The following ROBO2 variants were observed in gnomAD, a reference collection of about 807,000 sequenced individuals.
ROBO2 encodes the protein roundabout homolog 2.
In ROBO2, 53 loss-of-function variants were observed where a neutral mutation model predicts 160.8. The ratio of observed to expected loss-of-function variants is 0.33; its 90% CI spans 0.26 to 0.41. The LOEUF is 0.41. Ranked by LOEUF, ROBO2 falls within the 10% of genes least tolerant of loss-of-function variation. The pLI is 1.00. For missense variants in ROBO2, 1,577 were observed against 1,722.4 expected (o/e 0.92, Z 1.49); for synonymous variants, 664 against 611.7 (o/e 1.09, Z -1.26).
At chr3:77,164,139 G>A (rs74353241) in intron 2 of ROBO2, among the ~76,000 whole-genome samples, 5,725 of 152,264 alleles carry the variant, frequency 0.038, 158 homozygotes, top group East Asian at 0.087. Flanking sequence ...GTGGAAACTA[G>A]GTAAAGGGTG....
At chr3:77,075,322 A>C (rs953121498) in intron 1 of ROBO2, among the ~76,000 whole-genome samples, 2 of 152,176 alleles carry the variant, frequency 1.3e-5, no homozygotes, top group African/African-American at 4.8e-5. Context: ...AATACTGATG[A>C]ATTTCAGTCA....
chr3:77,192,032 C>A (rs944101157), intron 2 of ROBO2, among the ~76,000 whole-genome samples: 5 of 152,048 alleles, frequency 3.3e-5, no homozygotes, highest in Non-Finnish European at 5.9e-5. Context: ...GTAGTAATGT[C>A]TAAACAGGAT....
intron 2 of ROBO2, among the ~76,000 whole-genome samples, chr3:76,735,759 CAAA>C (rs60229835): frequency 2.3e-5 from 1 of 43,850 alleles, no homozygotes. Context: ...GACCCTGTCT[CAAA>C]AAAAAAAAAA....
chr3:77,130,977 T>A (rs2075805616), intron 2 of ROBO2, among the ~76,000 whole-genome samples: 1 of 152,184 alleles, frequency 6.6e-6, no homozygotes, highest in African/African-American at 2.4e-5. Flanking sequence ...TTTCTGCTGT[T>A]TTTTCTTATT....
chr3:75,914,254 A>T (rs1328678802), intron 1 of ROBO2, among the ~76,000 whole-genome samples: 7 of 152,216 alleles, frequency 4.6e-5, no homozygotes, highest in Non-Finnish European at 1.0e-4. Context: ...ATCTGACCAT[A>T]GTATCACAAT....
intron 2 of ROBO2, among the ~76,000 whole-genome samples, chr3:76,418,300 G>A (rs1276539019): frequency 7.4e-6 from 1 of 134,378 alleles, no homozygotes; most frequent in African/African-American, 3.0e-5. Flanking sequence ...CTGAAGTGCA[G>A]TGATGCGATC....
At chr3:77,040,038 C>G (rs2063929661) in exon 1 of ROBO2, 1 of 860,234 alleles carries the variant, frequency 1.2e-6, no homozygotes, top group Non-Finnish European at 1.4e-6. Flanking sequence ...GCAGCCTCGG[C>G]CTCCGCCCGG....
At chr3:77,137,938 G>A (rs919336321) in intron 2 of ROBO2, among the ~76,000 whole-genome samples, 2 of 152,130 alleles carry the variant, frequency 1.3e-5, no homozygotes, top group African/African-American at 4.8e-5. Context: ...GCCCTTCCAA[G>A]CAAATGCAGT....
chr3:75,981,912 C>A (rs1165380452), intron 2 of ROBO2, among the ~76,000 whole-genome samples: 6 of 151,354 alleles, frequency 4.0e-5, no homozygotes, highest in African/African-American at 1.5e-4. Flanking sequence ...CTGCCCCCTC[C>A]CAAAAACCCC....
intron 2 of ROBO2, among the ~76,000 whole-genome samples, chr3:77,023,870 T>C (rs747266723): frequency 2.0e-5 from 3 of 152,162 alleles, no homozygotes; most frequent in Non-Finnish European, 4.4e-5. Context: ...TATAATTAAA[T>C]CACAAAATAA....
At chr3:76,348,339 C>T (rs1289387221) in intron 2 of ROBO2, among the ~76,000 whole-genome samples, 1 of 152,096 alleles carries the variant, frequency 6.6e-6, no homozygotes, top group Non-Finnish European at 1.5e-5. Flanking sequence ...GGAGGTGGGG[C>T]AAATACTGTT....
rs545119068 is a variant in ROBO2, at chr3:76,889,799, G to A, written c.110-208215G>A. Among the ~76,000 whole-genome samples the A allele has an allele frequency of 2.2e-3, 331 of 152,270 alleles. 1 individual carries two copies. Among genetic ancestry groups the A allele is most frequent in the African/African-American group, 7.7e-3 (318 of 41,556 alleles). ...GAGTGCTTGGGGAAAAGCTGGTTGG[G>A]TTGTATTTGTTTTTTGTTTTTTTCC... On this transcript the variant is annotated intron_variant, in intron 2 of 26. Transcript: ENST00000487694.
At chr3:75,986,096 A>G (rs2065405508) in intron 2 of ROBO2, among the ~76,000 whole-genome samples, 2 of 151,678 alleles carry the variant, frequency 1.3e-5, no homozygotes, top group South Asian at 2.1e-4. Context: ...TATATTTTTA[A>G]TCTTTTAAAG....
chr3:76,968,410 A>G (rs2149270321), intron 2 of ROBO2, among the ~76,000 whole-genome samples: 1 of 152,252 alleles, frequency 6.6e-6, no homozygotes, highest in Admixed American at 6.5e-5. Context: ...AGCTCTCACA[A>G]TGATCTAATC....
At chr3:76,782,394 A>G (rs2062704798) in intron 2 of ROBO2, among the ~76,000 whole-genome samples, 1 of 150,700 alleles carries the variant, frequency 6.6e-6, no homozygotes, top group Non-Finnish European at 1.5e-5. Context: ...ATATATGTCT[A>G]TTAGTTCCAT....
intron 2 of ROBO2, among the ~76,000 whole-genome samples, chr3:76,494,855 A>G (rs1370946317): frequency 3.9e-5 from 6 of 152,192 alleles, no homozygotes; most frequent in Admixed American, 3.3e-4. Context: ...GAATCCATAA[A>G]GACAGAAGAG....
intron 2 of ROBO2, among the ~76,000 whole-genome samples, chr3:75,954,609 A>C (rs1948663389): frequency 6.6e-6 from 1 of 151,900 alleles, no homozygotes; most frequent in Non-Finnish European, 1.5e-5. Context: ...AAGAAGTTCA[A>C]AACAAAACGA....
At chr3:77,334,889 G>A (rs187391478) in intron 2 of ROBO2, among the ~76,000 whole-genome samples, 3 of 152,266 alleles carry the variant, frequency 2.0e-5, no homozygotes, top group East Asian at 1.9e-4. Context: ...GGAGCAAGAC[G>A]ATTATCTATT....
intron 2 of ROBO2, among the ~76,000 whole-genome samples, chr3:76,079,696 G>A (rs1241314398): frequency 6.6e-6 from 1 of 151,952 alleles, no homozygotes; most frequent in Non-Finnish European, 1.5e-5. Flanking sequence ...GTGTTGCCCA[G>A]GCTGGTCTCG....
Sources: gnomAD v4.1 joint callset for allele counts (sites outside exome capture counted in the v4.1 genomes callset) on GRCh38, gnomAD v4.1.1 for gene constraint, MANE v1.5 for transcripts, NCBI Gene and HGNC (gene_info 2026-07-23, HGNC 2026-07-21) for gene names.